VASH1: variants seen among roughly 807,000 people sequenced by gnomAD.
The protein encoded by VASH1 is vasohibin 1, also known as tubulinyl-Tyr carboxypeptidase 1.
Under a neutral mutation model 35.0 loss-of-function variants are expected in VASH1, and 16 were observed. The observed-to-expected ratio is 0.46, with a 90% confidence interval of 0.31 to 0.70. The LOEUF (loss-of-function observed/expected upper bound fraction) is 0.70. Among genes scored for constraint, VASH1 ranks in the 30% least tolerant of loss-of-function variants. VASH1 has a pLI of 0.05. For synonymous variants in VASH1, 214 were observed against 200.9 expected (o/e 1.07, Z -0.55); for missense variants, 505 against 510.7 (o/e 0.99, Z 0.11).
intron 5 of VASH1, among the ~76,000 whole-genome samples, chr14:76,777,468 C>T (rs1225941444): frequency 6.6e-6 from 1 of 152,204 alleles, no homozygotes; most frequent in Non-Finnish European, 1.5e-5. Flanking sequence ...TCCAGCACTC[C>T]TGCGTTTTGA....
chr14:76,764,600 G>T (rs1334304434), intron 1 of VASH1, among the ~76,000 whole-genome samples: 2 of 151,992 alleles, frequency 1.3e-5, no homozygotes, highest in African/African-American at 4.8e-5. Flanking sequence ...GAGGTTGATT[G>T]TGGGGAAGAA....
At position 76,773,179 on chromosome 14, in the gene VASH1, A is replaced by G. The variant is rs1165827288; in HGVS notation, c.498A>G (p.Pro166=). ...AGGAAATGACCAAAGAGGCCCTGCC[A>G]ATCAAATGCCTGGAAGCCGTGATCC... ...LAKEMTKEAL[P]IKCLEAVILG... Residue 166 remains proline (P), a synonymous_variant, in exon 4 of 7, where the codon CCA becomes CCG. Transcript: ENST00000167106. The G allele has an allele frequency of 1.9e-6, 3 of 1,614,042 alleles. No homozygotes were observed. Among genetic ancestry groups the G allele is most frequent in the Non-Finnish European group, 2.5e-6 (3 of 1,180,016 alleles).
In VASH1 at chr14:76,779,920, TG is replaced by T. The variant is rs1894057709; in HGVS notation, c.*905del. 4.4e-6 allele frequency: 1 copy of T among 227,412 alleles called. No individual in the cohort carries two copies. 14.1% of individuals were successfully genotyped at this position (227,412 alleles called of 1,614,324 possible). A position where few individuals can be genotyped will look rare whatever the true frequency, so the allele number is the denominator to read the frequency against. On this transcript the variant is annotated 3_prime_UTR_variant, in exon 7 of 7. Coordinates refer to ENST00000167106, the MANE Select transcript of VASH1 (RefSeq NM_014909.5). ...ACATGGGGTGATGGGGCGGGATGCT[TG>T]GGCCTGGGTCTCTCCGCCAGCAGTG...
At chr14:76,775,854 G>A in intron 4 of VASH1, 38 bp from the exon 5 acceptor site, 2 of 1,512,410 alleles carry the variant, frequency 1.3e-6, no homozygotes, top group Non-Finnish European at 1.8e-6. Flanking sequence ...CTGGCCCCGT[G>A]CTTCTCCTGG....
intron 4 of VASH1, chr14:76,774,532 C>T (rs1893880020): frequency 6.6e-6 from 1 of 152,276 alleles, no homozygotes; most frequent in South Asian, 2.1e-4. Flanking sequence ...GGTCTCAAAG[C>T]TTTTCAGGGG....
In VASH1 at chr14:76,776,246, G is replaced by C. The variant is rs1232120095; in HGVS notation, c.885G>C (p.Glu295Asp). The C allele has an allele frequency of 1.9e-6, 3 of 1,602,590 alleles. No homozygotes were observed. The part of the protein sequence containing the change: ...LGRDDFRKEL[E>D]RHARDMRLKI... Reference sequence around the variant, plus strand: ...GCGATGACTTCCGCAAGGAGCTGGAGCGCCACGCCCGCGACATGCGGCTCA... The same window carrying C: ...GCGATGACTTCCGCAAGGAGCTGGACCGCCACGCCCGCGACATGCGGCTCA... Residue 295 changes from glutamate (E) to aspartate (D), a missense_variant, in exon 5 of 7, where the codon GAG becomes GAC. Transcript: ENST00000167106.
intron 1 of VASH1, chr14:76,769,523 C>T (rs1893734308): frequency 3.6e-5 from 46 of 1,280,524 alleles, no homozygotes; most frequent in Non-Finnish European, 4.6e-5. Flanking sequence ...CTCCCAAAGC[C>T]TAGGGCACCA....
Position 76,778,731 on chromosome 14 carries a change from G to A in VASH1, c.1026-215G>A, listed in dbSNP as rs139544907. ...GCCAGATTAGCCAGCCTCCAGCAGC[G>A]AGAAAGCCTGTGAGAGCGAGCCGGG... is the stretch of plus-strand genomic sequence containing the variant. On this transcript the variant is annotated intron_variant, in intron 6 of 6. Transcript: ENST00000167106. 2.2e-3 allele frequency among the ~76,000 whole-genome samples: 338 copies of A among 152,302 alleles called. 2 individuals carry two copies. Among genetic ancestry groups the A allele is most frequent in the African/African-American group, 7.5e-3 (310 of 41,556 alleles).
chr14:76,762,754 G>C lies in VASH1; in HGVS notation c.-68G>C, dbSNP rs931668144. On this transcript the variant is annotated 5_prime_UTR_variant, in exon 1 of 7. Coordinates refer to ENST00000167106, the MANE Select transcript of VASH1 (RefSeq NM_014909.5). ...CTGGCCATGTGTTATCTCTGCAGCCGGTGTGTGGGAGGCCTCTTGTGAGCC... is the reference window on the plus strand; with the variant it reads ...CTGGCCATGTGTTATCTCTGCAGCCCGTGTGTGGGAGGCCTCTTGTGAGCC... 3 of 1,366,826 alleles carry C rather than the reference G, an allele frequency of 2.2e-6. No individual in the cohort carries two copies. Among genetic ancestry groups the C allele is most frequent in the Non-Finnish European group, 2.9e-6 (3 of 1,039,002 alleles). The allele number at this position is 1,366,826 out of a possible 1,614,324, so 84.7% of individuals were successfully genotyped here.
At chr14:76,776,550 G>A (rs546315920) in intron 5 of VASH1, among the ~76,000 whole-genome samples, 3 of 152,220 alleles carry the variant, frequency 2.0e-5, no homozygotes, top group East Asian at 1.9e-4. Flanking sequence ...GGGTGTGATC[G>A]GGTGCTGTGA....
rs1041679751 is a variant in VASH1 at position 76,780,818 on chromosome 14, C to T, written c.*1800C>T. The T allele has an allele frequency of 6.6e-6, 1 of 152,198 alleles. No homozygotes were observed. The highest frequency in any genetic ancestry group is 2.4e-5 in the African/African-American group (1 of 41,442). The allele number at this position is 152,198 out of a possible 1,614,324, so 9.4% of individuals were successfully genotyped here. A position where few individuals can be genotyped will look rare whatever the true frequency, so the allele number is the denominator to read the frequency against. On this transcript the variant is annotated 3_prime_UTR_variant, in exon 7 of 7. Transcript: ENST00000167106. ...TGCAATCCCTGAAGTAGAGAGAGCT[C>T]GTGCTGGGGAGAAGTCCACCAAGAT...
At chr14:76,769,405 G>A (rs889302030) in intron 1 of VASH1, 24 of 1,288,990 alleles carry the variant, frequency 1.9e-5, no homozygotes, top group South Asian at 8.6e-5. Flanking sequence ...GCCTGCTACC[G>A]CTGACTGACT....
chr14:76,777,048 AGAG>A (rs1472744284), intron 5 of VASH1, among the ~76,000 whole-genome samples: 3 of 152,148 alleles, frequency 2.0e-5, no homozygotes, highest in African/African-American at 7.2e-5. Flanking sequence ...ACTGGCAGTG[AGAG>A]GCAGATCAGA....
chr14:76,779,937 G>A lies in VASH1; in HGVS notation c.*919G>A, dbSNP rs1007711963. On this transcript the variant is annotated 3_prime_UTR_variant, in exon 7 of 7. Transcript: ENST00000167106. Reference sequence around the variant, plus strand: ...GGGATGCTTGGGCCTGGGTCTCTCCGCCAGCAGTGCCAGGAGCCCTTGCTG... The same window carrying A: ...GGGATGCTTGGGCCTGGGTCTCTCCACCAGCAGTGCCAGGAGCCCTTGCTG... The A allele has an allele frequency of 5.0e-5, 10 of 200,278 alleles. No individual in the cohort carries two copies. The South Asian group carries it at 9.2e-4, about 18-fold the overall frequency. 12.4% of individuals were successfully genotyped at this position (200,278 alleles called of 1,614,324 possible).
At position 76,773,134 on chromosome 14, in the gene VASH1, C is replaced by T. The variant is rs1290985860; in HGVS notation, c.456-3C>T. On this transcript the variant is annotated splice_polypyrimidine_tract_variant and splice_region_variant and intron_variant, in intron 3 of 6. Coordinates refer to ENST00000167106, the MANE Select transcript of VASH1 (RefSeq NM_014909.5). ...CTTACTGACCTGCCTCCCTTTCCCA[C>T]AGGCTGATGGACCTGGCCAAGGAAA... The T allele has an allele frequency of 6.2e-7, 1 of 1,613,690 alleles. No homozygotes were observed. The highest frequency in any genetic ancestry group is 8.5e-7 in the Non-Finnish European group (1 of 1,179,824).
rs1893998344 is a variant in VASH1, at chr14:76,778,147, T to C, written c.1025+76T>C. ...CCTCTCATCGTGTGGGTCCCTTTTTTTTTTTATCTCTCTCCCACCCTTCTC... is the reference window on the plus strand; with the variant it reads ...CCTCTCATCGTGTGGGTCCCTTTTTCTTTTTATCTCTCTCCCACCCTTCTC... On this transcript the variant is annotated intron_variant, in intron 6 of 6. Coordinates refer to ENST00000167106, the MANE Select transcript of VASH1 (RefSeq NM_014909.5). The C allele has an allele frequency of 3.6e-6, 4 of 1,102,242 alleles. No individual in the cohort carries two copies. In the South Asian group the frequency reaches 6.5e-5, roughly 18 times the overall value. The allele number at this position is 1,102,242 out of a possible 1,614,324, so 68.3% of individuals were successfully genotyped here.
At position 76,778,062 on chromosome 14, in the gene VASH1, G is replaced by A. The variant is rs1197190608; in HGVS notation, c.1016G>A (p.Ser339Asn). Reference sequence around the variant, plus strand: ...AGCCCCCACCGCAGGAACAGCCGCAGTGAAAGACGGTGAGAGAGGGACCAC... The same window carrying A: ...AGCCCCCACCGCAGGAACAGCCGCAATGAAAGACGGTGAGAGAGGGACCAC... ...QSSPHRRNSR[S>N]ERRPSGDKKT... Residue 339 changes from serine (S) to asparagine (N), a missense_variant, in exon 6 of 7, where the codon AGT (serine) becomes AAT (asparagine). Coordinates refer to ENST00000167106, the MANE Select transcript of VASH1 (RefSeq NM_014909.5). 1 of 1,490,148 alleles carries A rather than the reference G, an allele frequency of 6.7e-7. No homozygotes were observed. The highest frequency in any genetic ancestry group is 2.5e-5 in the Admixed American group (1 of 40,040). 92.3% of individuals were successfully genotyped at this position (1,490,148 alleles called of 1,614,324 possible). A position where few individuals can be genotyped will look rare whatever the true frequency, so the allele number is the denominator to read the frequency against.
In VASH1 at chr14:76,761,539, CGG is replaced by C. The variant is rs1265754108; in HGVS notation, c.-1282_-1281del. 2.0e-5 allele frequency among the ~76,000 whole-genome samples: 3 copies of C among 152,032 alleles called. No individual in the cohort carries two copies. The highest frequency in any genetic ancestry group is 7.2e-5 in the African/African-American group (3 of 41,434). ...GGTCGGCGGCAGCGGGGCCCAGGGG[CGG>C]CGGGGCTGCAGCAGCGGCGGCCCCA... On this transcript the variant is annotated 5_prime_UTR_variant, in exon 1 of 7. Coordinates refer to ENST00000167106, the MANE Select transcript of VASH1 (RefSeq NM_014909.5).
In VASH1 at chr14:76,761,576, A is replaced by G. The variant is rs866366669; in HGVS notation, c.-1246A>G. Among the ~76,000 whole-genome samples the G allele has an allele frequency of 6.6e-6, 1 of 151,884 alleles. No homozygotes were observed. The highest frequency in any genetic ancestry group is 1.9e-4 in the East Asian group (1 of 5,146). On this transcript the variant is annotated 5_prime_UTR_variant, in exon 1 of 7. Transcript: ENST00000167106. ...AGCAGCGGCGGCCCCAGCTTCGCCG[A>G]GCAGCGATCGGCTGGTGGGCTTCTC... is the stretch of plus-strand genomic sequence containing the variant.
Sources: gnomAD v4.1 joint callset for allele counts (sites outside exome capture counted in the v4.1 genomes callset) on GRCh38, gnomAD v4.1.1 for gene constraint, MANE v1.5 for transcripts, NCBI Gene and HGNC (gene_info 2026-07-23, HGNC 2026-07-21) for gene names.